DAB1: variants seen among roughly 807,000 people sequenced by gnomAD.
DAB1 encodes the protein DAB adaptor protein 1, also known as disabled homolog 1.
A neutral mutation model predicts 64.6 loss-of-function variants in DAB1; 15 were observed. That is an observed-to-expected ratio of 0.23 (90% CI 0.16 to 0.36). DAB1 has a LOEUF of 0.36. DAB1 is among the 10% of genes least tolerant of loss of function. DAB1 has a pLI of 1.00. For synonymous variants in DAB1, 235 were observed against 251.9 expected, an observed-to-expected ratio of 0.93 and a Z score of 0.64; for missense variants, 596 against 706.7, an observed-to-expected ratio of 0.84 and a Z score of 1.78.
At chr1:57,526,528 C>T (rs186988655) in intron 7 of DAB1, among the ~76,000 whole-genome samples, 2 of 152,272 alleles carry the variant, frequency 1.3e-5, no homozygotes, top group Admixed American at 1.3e-4. Flanking sequence ...CCAAACTAAG[C>T]ATCAGGATTC....
chr1:57,287,252 T>C (rs967801553), intron 2 of DAB1, among the ~76,000 whole-genome samples: 1 of 152,182 alleles, frequency 6.6e-6, no homozygotes, highest in African/African-American at 2.4e-5. Context: ...TTGCATTTTT[T>C]TTTGTAAAGA....
intron 5 of DAB1, among the ~76,000 whole-genome samples, chr1:57,913,781 G>A (rs1270154143): frequency 6.6e-6 from 1 of 152,134 alleles, no homozygotes; most frequent in Non-Finnish European, 1.5e-5. Flanking sequence ...ACAAGCGGGT[G>A]AAGGATATGA....
At chr1:57,098,284 A>G (rs911121327) in intron 4 of DAB1, among the ~76,000 whole-genome samples, 1 of 152,178 alleles carries the variant, frequency 6.6e-6, no homozygotes, top group Non-Finnish European at 1.5e-5. Context: ...TTTTATTTAT[A>G]TAGTATCTAA....
intron 5 of DAB1, among the ~76,000 whole-genome samples, chr1:58,033,852 C>A (rs1294694889): frequency 2.6e-5 from 4 of 152,022 alleles, no homozygotes; most frequent in Non-Finnish European, 5.9e-5. Flanking sequence ...GCACCTATTC[C>A]AGTTACACTA....
At chr1:57,949,170 G>T (rs78205210) in intron 5 of DAB1, among the ~76,000 whole-genome samples, 37 of 152,160 alleles carry the variant, frequency 2.4e-4, no homozygotes, top group East Asian at 5.8e-4. Flanking sequence ...CCATGGGGGG[G>T]GCTGGGGGGA....
chr1:57,422,664 G>A (rs1332699644), intron 1 of DAB1, among the ~76,000 whole-genome samples: 1 of 152,066 alleles, frequency 6.6e-6, no homozygotes, highest in Non-Finnish European at 1.5e-5. Context: ...GACTCTCCCA[G>A]CCTAAGCGGA....
intron 1 of DAB1, among the ~76,000 whole-genome samples, chr1:57,409,582 G>A (rs1230425994): frequency 2.0e-5 from 3 of 152,150 alleles, no homozygotes; most frequent in African/African-American, 7.2e-5. Flanking sequence ...AGGCCGAGGT[G>A]GGCGGATCAT....
At chr1:58,359,816 A>G (rs1644147475) in intron 3 of DAB1, among the ~76,000 whole-genome samples, 1 of 152,192 alleles carries the variant, frequency 6.6e-6, no homozygotes, top group African/African-American at 2.4e-5. Context: ...ATGATGATGG[A>G]GAGGACTATC....
chr1:58,037,091 C>A (rs77291453), intron 5 of DAB1, among the ~76,000 whole-genome samples: 2 of 152,140 alleles, frequency 1.3e-5, no homozygotes, highest in Admixed American at 6.5e-5. Context: ...TCCCTTAGAC[C>A]GCTATCATTT....
intron 4 of DAB1, among the ~76,000 whole-genome samples, chr1:58,314,840 A>C (rs1053054310): frequency 2.0e-5 from 3 of 152,238 alleles, no homozygotes; most frequent in African/African-American, 7.2e-5. Flanking sequence ...TGTTTGTTGG[A>C]TGAATGTTGA....
chr1:58,256,797 G>A (rs972018339), intron 4 of DAB1, among the ~76,000 whole-genome samples: 1 of 152,124 alleles, frequency 6.6e-6, no homozygotes, highest in Non-Finnish European at 1.5e-5. Context: ...GAACGAACAT[G>A]ATGTATAAGT....
rs1646381677 is a variant in DAB1, at chr1:57,015,065, G to A, written c.1262C>T (p.Ala421Val). Residue 421 changes from alanine (A) to valine (V), a missense_variant, in exon 12 of 15, where the codon GCC becomes GTC. Around this residue, in one of 3 missense-constraint regions of DAB1, gnomAD observed 377 missense variants for 400.4 expected, o/e 0.94. Coordinates refer to ENST00000371236, the MANE Select transcript of DAB1 (RefSeq NM_001365792.1). Reference sequence around the variant, plus strand: ...GCGGGAGGGCACGGGCGGAGGCTGGGCCATCTGGAAATCCTTAAACGTTTC... The same window carrying A: ...GCGGGAGGGCACGGGCGGAGGCTGGACCATCTGGAAATCCTTAAACGTTTC... ...GKETFKDFQM[A>V]QPPPVPSRKP... is the part of the protein sequence containing the mutation. 1 of 1,614,174 alleles carries A rather than the reference G, an allele frequency of 6.2e-7. No homozygotes were observed. The highest frequency in any genetic ancestry group is 8.5e-7 in the Non-Finnish European group (1 of 1,180,024).
At chr1:57,146,430 A>G (rs1354855569) in intron 2 of DAB1, among the ~76,000 whole-genome samples, 1 of 152,064 alleles carries the variant, frequency 6.6e-6, no homozygotes, top group Admixed American at 6.6e-5. Context: ...CTTAACTTCA[A>G]CTCTTGATTT....
At chr1:58,349,348 G>C (rs1040031128) in intron 3 of DAB1, among the ~76,000 whole-genome samples, 4 of 152,156 alleles carry the variant, frequency 2.6e-5, no homozygotes, top group Non-Finnish European at 5.9e-5. Flanking sequence ...GCGGGGAAAA[G>C]CATGTGAGCA....
intron 2 of DAB1, among the ~76,000 whole-genome samples, chr1:57,200,173 A>G (rs548957056): frequency 9.2e-5 from 14 of 152,272 alleles, no homozygotes; most frequent in Non-Finnish European, 1.8e-4. Flanking sequence ...TCTCTCCCTT[A>G]CCATCTTAAG....
chr1:58,545,470 AT>A (rs1445856622), intron 1 of DAB1, among the ~76,000 whole-genome samples: 2 of 151,720 alleles, frequency 1.3e-5, no homozygotes, highest in Non-Finnish European at 2.9e-5. Context: ...CTATTCATGC[AT>A]TTTCAAGGAG....
intron 3 of DAB1, among the ~76,000 whole-genome samples, chr1:58,343,702 T>G (rs1292228220): frequency 6.6e-6 from 1 of 152,224 alleles, no homozygotes; most frequent in Non-Finnish European, 1.5e-5. Flanking sequence ...CTAATCTATT[T>G]GAGTCATTTA....
rs957988261 is a variant in DAB1 at position 58,473,888 on chromosome 1, T to A, written n.257+32172A>T. The A allele has an allele frequency of 3.5e-6, 3 of 848,960 alleles. No individual in the cohort carries two copies. In the African/African-American group the frequency reaches 5.2e-5, roughly 15 times the overall value. The allele number at this position is 848,960 out of a possible 1,614,324, so 52.6% of individuals were successfully genotyped here. On this transcript the variant is annotated intron_variant and non_coding_transcript_variant, in intron 3 of 20. Coordinates refer to the DAB1 transcript ENST00000485760. The stretch of plus-strand genomic sequence containing the variant: ...CCTTCACATTTCAACTCCGACAGAT[T>A]TCTGTGTTCTGGATGAAGCTGTTGA...
chr1:57,417,352 A>G (rs1325904757), intron 1 of DAB1, among the ~76,000 whole-genome samples: 1 of 152,182 alleles, frequency 6.6e-6, no homozygotes, highest in Non-Finnish European at 1.5e-5. Context: ...TTAGCATTCC[A>G]ATAAAGGAAC....
Sources: allele counts gnomAD v4.1 joint callset (sites outside exome capture counted in the v4.1 genomes callset), GRCh38; gene constraint gnomAD v4.1.1; regional missense constraint gnomAD v4.1.1; transcripts MANE v1.5; gene names NCBI Gene and HGNC (gene_info 2026-07-23, HGNC 2026-07-21).